Variants in PSG4 observed in about 807,000 individuals in gnomAD.
The protein encoded by PSG4 is pregnancy-specific beta-1-glycoprotein 4.
A neutral mutation model predicts 44.3 loss-of-function variants in PSG4; 61 were observed. The observed-to-expected ratio is 1.38, with a 90% CI of 1.12 to 1.70. The LOEUF is 1.70. Ranked by LOEUF, PSG4 falls within the 40% of genes most tolerant of loss-of-function variation. The pLI, the probability that PSG4 is intolerant of heterozygous loss-of-function variation, is 0.00. For synonymous variants in PSG4, 248 were observed against 191.3 expected (o/e 1.30, Z -2.45); for missense variants, 677 against 511.7 (o/e 1.32, Z -3.12).
At chr19:43,200,680 A>T (rs1967468014) in intron 2 of PSG4, among the ~76,000 whole-genome samples, 1 of 145,120 alleles carries the variant, frequency 6.9e-6, no homozygotes, top group Non-Finnish European at 1.5e-5. Flanking sequence ...GGTTCATGCC[A>T]TTCTCCTGCC....
rs1266551802 is a variant in PSG4, at chr19:43,197,482, A to G, written c.709+515T>C. On this transcript the variant is annotated intron_variant, in intron 3 of 5. Transcript: ENST00000405312. ...TGCTGATTGCTGGAACTTCCCATCA[A>G]TCAGCCAAGAATGCTCTGCCAGTGG... Among the ~76,000 whole-genome samples the G allele has an allele frequency of 1.2e-4, 17 of 143,796 alleles. 2 individuals are homozygous for G. The highest frequency in any genetic ancestry group is 1.2e-3 in the Admixed American group (17 of 14,452). 94.3% of individuals were successfully genotyped at this position (143,796 alleles called of 152,430 possible). A position where few individuals can be genotyped will look rare whatever the true frequency, so the allele number is the denominator to read the frequency against.
In PSG4 at chr19:43,194,459, G is replaced by C. The variant is rs1420792080; in HGVS notation, c.1124C>G (p.Ser375Ter). 9.3e-6 allele frequency: 15 copies of C among 1,612,466 alleles called. No homozygotes were observed. Among genetic ancestry groups the C allele is most frequent in the Admixed American group, 1.7e-5 (1 of 59,886 alleles). The change falls in exon 5 of 6, where the codon TCA becomes TGA. Residue 375 changes from serine (S) to a stop codon, truncating the protein, a stop_gained. Coordinates refer to ENST00000405312, the MANE Select transcript of PSG4 (RefSeq NM_002780.5). LOFTEE classifies it high-confidence loss of function. ...SWTINGKFQLSGQKLSIPQIT... is the reference protein window; with the variant it reads ...SWTINGKFQL ...TTGGGGGATAGAGAGCTTTTGTCCTGATAGCTGAAACTTCCCATTAATTGT... is the reference window on the plus strand; with the variant it reads ...TTGGGGGATAGAGAGCTTTTGTCCTCATAGCTGAAACTTCCCATTAATTGT...
At position 43,197,798 on chromosome 19, in the gene PSG4, C is replaced by A. The variant is rs903595462; in HGVS notation, c.709+199G>T. 7.9e-5 allele frequency: 89 copies of A among 1,132,786 alleles called. 1 individual carries two copies. Among genetic ancestry groups the A allele is most frequent in the Non-Finnish European group, 9.9e-5 (82 of 830,530 alleles). The allele number at this position is 1,132,786 out of a possible 1,614,324, so 70.2% of individuals were successfully genotyped here. Reference sequence around the variant, plus strand: ...GCTGTGGAACCTGAGTCTCCCATGACAGGAGCAGCCTCTTTTCTCCTATTG... The same window carrying A: ...GCTGTGGAACCTGAGTCTCCCATGAAAGGAGCAGCCTCTTTTCTCCTATTG... On this transcript the variant is annotated intron_variant, in intron 3 of 5. Coordinates refer to ENST00000405312, the MANE Select transcript of PSG4 (RefSeq NM_002780.5).
rs1368476573 is a variant in PSG4 at position 43,202,933 on chromosome 19, C to T, written c.430+953G>A. On this transcript the variant is annotated intron_variant, in intron 2 of 5. Coordinates refer to ENST00000405312, the MANE Select transcript of PSG4 (RefSeq NM_002780.5). ...GCTGCAGACAGACCTCATGTGACCC[C>T]GATCTCCCCTTTGTGTTGGTGTGAC... Among the ~76,000 whole-genome samples, 21 of 144,518 alleles carry T rather than the reference C, an allele frequency of 1.5e-4. 1 individual carries two copies. The highest frequency in any genetic ancestry group is 3.2e-4 in the African/African-American group (12 of 37,340). The allele number at this position is 144,518 out of a possible 152,430, so 94.8% of individuals were successfully genotyped here.
rs573702346 is a variant in PSG4, at chr19:43,195,151, G to A, written c.832C>T (p.Gln278Ter). The A allele has an allele frequency of 1.9e-6, 3 of 1,610,414 alleles. No homozygotes were observed. The highest frequency in any genetic ancestry group is 1.7e-5 in the Admixed American group (1 of 59,854). ...ACCCTGGGACTGACAGGGAGGCTCTGACCATTTAGCCACCAAATGTAGGTG... is the reference window on the plus strand; with the variant it reads ...ACCCTGGGACTGACAGGGAGGCTCTAACCATTTAGCCACCAAATGTAGGTG... ...NYTYIWWLNG[Q>*]SLPVSPRVKR... is the part of the protein sequence containing the mutation. Residue 278 changes from glutamine to a stop codon, truncating the protein, a stop_gained, in exon 4 of 6, where the codon CAG becomes TAG. Coordinates refer to ENST00000405312, the MANE Select transcript of PSG4 (RefSeq NM_002780.5). LOFTEE classifies it high-confidence loss of function.
rs757868938 is a variant in PSG4, at chr19:43,203,973, C to T, written c.343G>A (p.Glu115Lys). 4.6e-5 allele frequency: 73 copies of T among 1,587,686 alleles called. 8 individuals are homozygous for T. Among genetic ancestry groups the T allele is most frequent in the Non-Finnish European group, 6.1e-5 (71 of 1,171,676 alleles). ...ASLLIQNVTQ[E>K]DAGSYTLHII... Reference sequence around the variant, plus strand: ...TGTAAGGTGTAGGATCCTGCATCCTCCTGCGTGACATTCTGGATCAGCAGG... The same window carrying T: ...TGTAAGGTGTAGGATCCTGCATCCTTCTGCGTGACATTCTGGATCAGCAGG... Residue 115 changes from glutamate to lysine, a missense_variant, in exon 2 of 6, where the codon GAG becomes AAG. Coordinates refer to ENST00000405312, the MANE Select transcript of PSG4 (RefSeq NM_002780.5).
chr19:43,194,197 G>T (rs2122285284), intron 5 of PSG4, 143 bp downstream of exon 5: 3 of 1,557,762 alleles, frequency 1.9e-6, no homozygotes, highest in South Asian at 1.2e-5. Flanking sequence ...TAGACAAATT[G>T]GGAGTGTTCA....
At position 43,193,235 on chromosome 19, in the gene PSG4, A is replaced by G; in HGVS notation, c.*137T>C. ...CATTTTGGTGAGTTCTGAGTGGCTC[A>G]CATGTCAGGTACAAGGGTTTTCCCA... On this transcript the variant is annotated 3_prime_UTR_variant, in exon 6 of 6. Transcript: ENST00000405312. The G allele has an allele frequency of 1.3e-6, 1 of 764,840 alleles. No individual in the cohort carries two copies. 47.4% of individuals were successfully genotyped at this position (764,840 alleles called of 1,614,324 possible).
At position 43,196,970 on chromosome 19, in the gene PSG4, T is replaced by C. The variant is rs1397655206; in HGVS notation, c.709+1027A>G. The C allele has an allele frequency of 2.0e-5, 3 of 146,920 alleles. No homozygotes were observed. In the East Asian group the frequency reaches 6.9e-4, roughly 34 times the overall value. The allele number at this position is 146,920 out of a possible 1,614,324, so 9.1% of individuals were successfully genotyped here. On this transcript the variant is annotated intron_variant, in intron 3 of 5. Transcript: ENST00000405312. ...TATTGATTCTTCCAATCCATGAAAA[T>C]GAAATGTCTTTCCATATATTGATAT...
intron 1 of PSG4, chr19:43,204,816 T>C (rs11669435): frequency 0.61 from 240,538 of 395,524 alleles, 84,747 homozygotes; most frequent in East Asian, 0.83. Flanking sequence ...GTCTCCACCC[T>C]CTGGATGTTT....
At position 43,204,067 on chromosome 19, in the gene PSG4, T is replaced by G. The variant is rs376673134; in HGVS notation, c.249A>C (p.Val83=). 6.3e-7 allele frequency: 1 copy of G among 1,586,606 alleles called. No homozygotes were observed. The highest frequency in any genetic ancestry group is 1.7e-5 in the Admixed American group (1 of 58,344). The change falls in exon 2 of 6, where the codon GTA becomes GTC. Residue 83 remains valine, a synonymous_variant. Coordinates refer to ENST00000405312, the MANE Select transcript of PSG4 (RefSeq NM_002780.5). The part of the protein sequence containing the change: ...TYLYHYITSY[V]VDGQRIIYGP... ...CATATATAATTCTTTGACCGTCTACTACATATGATGTAATGTAATGGTAGA... is the reference window on the plus strand; with the variant it reads ...CATATATAATTCTTTGACCGTCTACGACATATGATGTAATGTAATGGTAGA...
chr19:43,200,595 A>C (rs1967462687), intron 2 of PSG4, among the ~76,000 whole-genome samples: 1 of 142,610 alleles, frequency 7.0e-6, no homozygotes, highest in African/African-American at 2.7e-5. Flanking sequence ...TTTTTTTCTG[A>C]GACAGAGTCT....
intron 2 of PSG4, among the ~76,000 whole-genome samples, chr19:43,200,139 C>G (rs1011807943): frequency 6.9e-6 from 1 of 145,548 alleles, no homozygotes; most frequent in Non-Finnish European, 1.5e-5. Flanking sequence ...GGAAATACCA[C>G]TAAAGTTTAA....
intron 4 of PSG4, 48 bp downstream of exon 4, chr19:43,194,947 T>C (rs2122293445): frequency 6.3e-7 from 1 of 1,598,908 alleles, no homozygotes; most frequent in Middle Eastern, 1.8e-4. Flanking sequence ...TCTGGTGGTT[T>C]GGATTTAAGC....
rs1481824097 is a variant in PSG4 at position 43,193,252 on chromosome 19, G to A, written c.*120C>T. 5.2e-6 allele frequency: 4 copies of A among 766,658 alleles called. 1 individual carries two copies. The highest frequency in any genetic ancestry group is 9.6e-6 in the Non-Finnish European group (4 of 417,474). The allele number at this position is 766,658 out of a possible 1,614,324, so 47.5% of individuals were successfully genotyped here. A position where few individuals can be genotyped will look rare whatever the true frequency, so the allele number is the denominator to read the frequency against. ...AGTGGCTCACATGTCAGGTACAAGGGTTTTCCCATGAAATTTACATCGAGT... is the reference window on the plus strand; with the variant it reads ...AGTGGCTCACATGTCAGGTACAAGGATTTTCCCATGAAATTTACATCGAGT... On this transcript the variant is annotated 3_prime_UTR_variant, in exon 6 of 6. Coordinates refer to ENST00000405312, the MANE Select transcript of PSG4 (RefSeq NM_002780.5).
chr19:43,195,664 C>A (rs1200952908), intron 3 of PSG4, among the ~76,000 whole-genome samples: 1 of 151,404 alleles, frequency 6.6e-6, no homozygotes, highest in Non-Finnish European at 1.5e-5. Context: ...CTTTGCCCCC[C>A]TAGATGAGAT....
At chr19:43,200,014 T>A (rs539837861) in intron 2 of PSG4, among the ~76,000 whole-genome samples, 1 of 145,394 alleles carries the variant, frequency 6.9e-6, no homozygotes, top group Admixed American at 6.8e-5. Flanking sequence ...ATGTGTGTTA[T>A]GTTAGTAAAT....
rs1443296945 is a variant in PSG4, at chr19:43,204,342, T to G, written c.65-91A>C. 8.6e-6 allele frequency: 12 copies of G among 1,391,716 alleles called. 1 individual carries two copies. Among genetic ancestry groups the G allele is most frequent in the Non-Finnish European group, 9.7e-6 (10 of 1,035,160 alleles). 86.2% of individuals were successfully genotyped at this position (1,391,716 alleles called of 1,614,324 possible). ...GAGAAGGTCTCTTCAATCCTCAGCCTTGAAGACACACAAACACACACATAC... is the reference window on the plus strand; with the variant it reads ...GAGAAGGTCTCTTCAATCCTCAGCCGTGAAGACACACAAACACACACATAC... On this transcript the variant is annotated intron_variant, in intron 1 of 5. Coordinates refer to ENST00000405312, the MANE Select transcript of PSG4 (RefSeq NM_002780.5).
At chr19:43,194,899 T>A in intron 4 of PSG4, 96 bp downstream of exon 4, 1 of 1,561,566 alleles carries the variant, frequency 6.4e-7, no homozygotes, top group Non-Finnish European at 8.7e-7. Flanking sequence ...AGTAAAGGTG[T>A]CTATACTTGG....
Sources: allele counts gnomAD v4.1 joint callset (sites outside exome capture counted in the v4.1 genomes callset), GRCh38; gene constraint gnomAD v4.1.1; transcripts MANE v1.5; gene names NCBI Gene and HGNC (gene_info 2026-07-23, HGNC 2026-07-21).